The following GRM1 variants were observed in gnomAD, a reference collection of about 807,000 sequenced individuals.
The protein encoded by GRM1 is glutamate metabotropic receptor 1.
GRM1 carries 33 observed loss-of-function variants against 90.9 expected under a neutral mutation model. That is an observed-to-expected ratio of 0.36 (90% CI 0.28 to 0.49). The LOEUF (loss-of-function observed/expected upper bound fraction) is 0.49. Among genes scored for constraint, GRM1 ranks in the 20% least tolerant of loss-of-function variants. GRM1 has a pLI of 0.99. For missense variants in GRM1, 1,190 were observed against 1,534.3 expected, an observed-to-expected ratio of 0.78 and a Z score of 3.75; for synonymous variants, 700 against 613.2, an observed-to-expected ratio of 1.14 and a Z score of -2.09.
intron 2 of GRM1, among the ~76,000 whole-genome samples, chr6:146,170,129 G>A (rs1256903982): frequency 6.6e-6 from 1 of 151,904 alleles, no homozygotes; most frequent in African/African-American, 2.4e-5. Context: ...TTTCATAAGG[G>A]ATTACTTCTG....
intron 2 of GRM1, among the ~76,000 whole-genome samples, chr6:146,250,614 G>C (rs1178690289): frequency 3.3e-5 from 5 of 152,154 alleles, no homozygotes; most frequent in African/African-American, 1.2e-4. Context: ...AATTGTATTA[G>C]TGTGTTTTCA....
upstream of GRM1, among the ~76,000 whole-genome samples, chr6:146,028,962 T>TTCCTTAA (rs1790602444): frequency 2.0e-5 from 3 of 152,244 alleles, no homozygotes; most frequent in South Asian, 6.2e-4. Context: ...GACTTAAGGT[T>TTCCTTAA]GGAGGAGCGG....
chr6:146,404,427 A>T (rs1230539077), intron 7 of GRM1, among the ~76,000 whole-genome samples: 2 of 152,186 alleles, frequency 1.3e-5, no homozygotes, highest in Non-Finnish European at 2.9e-5. Context: ...GCTATGTGCC[A>T]TAGTAGAAAA....
chr6:146,311,182 G>T (rs1234972609), intron 3 of GRM1, among the ~76,000 whole-genome samples: 3 of 152,064 alleles, frequency 2.0e-5, no homozygotes, highest in African/African-American at 7.2e-5. Context: ...GCAATCAAAA[G>T]AATTTTAAAG....
intron 2 of GRM1, among the ~76,000 whole-genome samples, chr6:146,280,183 C>G (rs1301399047): frequency 6.6e-6 from 1 of 152,116 alleles, no homozygotes. Context: ...AAGACCCCAG[C>G]TCTCTGGTGT....
chr6:146,043,069 G>T (rs978917199), intron 1 of GRM1, among the ~76,000 whole-genome samples: 20 of 151,884 alleles, frequency 1.3e-4, no homozygotes, highest in African/African-American at 4.8e-4. Flanking sequence ...AAGCTAAGGT[G>T]GGAGGCTTGA....
chr6:146,045,257 T>G (rs1023276839), intron 1 of GRM1, among the ~76,000 whole-genome samples: 2 of 152,042 alleles, frequency 1.3e-5, no homozygotes, highest in Non-Finnish European at 2.9e-5. Context: ...CATTTAATGA[T>G]TTTAAAAATA....
In GRM1 at chr6:146,352,506, T is replaced by C. The variant is rs373538200; in HGVS notation, c.1433+10T>C. The C allele has an allele frequency of 1.4e-3, 2,319 of 1,613,110 alleles. 1 individual carries two copies. The highest frequency in any genetic ancestry group is 1.8e-3 in the Non-Finnish European group (2,122 of 1,179,602). ...GAGACGCTCCTGGAAGGTAATCTTT[T>C]CAGTAATCAATCTAAGTAACCTTGT... On this transcript the variant is annotated intron_variant, in intron 4 of 7. Coordinates refer to ENST00000282753, the MANE Select transcript of GRM1 (RefSeq NM_001278064.2).
At chr6:146,374,477 G>A (rs1397474729) in intron 5 of GRM1, among the ~76,000 whole-genome samples, 1 of 152,076 alleles carries the variant, frequency 6.6e-6, no homozygotes, top group Non-Finnish European at 1.5e-5. Context: ...ATAGAAATCA[G>A]CAGAGAAGCA....
chr6:146,102,685 A>G (rs1777090065), intron 1 of GRM1, among the ~76,000 whole-genome samples: 1 of 152,212 alleles, frequency 6.6e-6, no homozygotes, highest in Non-Finnish European at 1.5e-5. Context: ...TTTTTGGGAT[A>G]CAGTAACTAT....
intron 5 of GRM1, among the ~76,000 whole-genome samples, chr6:146,379,820 G>A (rs2115119239): frequency 6.6e-6 from 1 of 152,188 alleles, no homozygotes; most frequent in African/African-American, 2.4e-5. Context: ...GGTTGTTGCA[G>A]ACTCATAGAG....
chr6:146,035,569 G>A (rs947752921), intron 1 of GRM1, among the ~76,000 whole-genome samples: 1 of 151,860 alleles, frequency 6.6e-6, no homozygotes, highest in African/African-American at 2.4e-5. Context: ...GGTGATCTTT[G>A]CAAACACTAC....
intron 5 of GRM1, among the ~76,000 whole-genome samples, chr6:146,366,674 A>G (rs1464030723): frequency 6.6e-6 from 1 of 152,158 alleles, no homozygotes; most frequent in Non-Finnish European, 1.5e-5. Context: ...AGGATTTCAT[A>G]TACCTATTGG....
intron 2 of GRM1, among the ~76,000 whole-genome samples, chr6:146,245,598 G>A (rs183685707): frequency 1.6e-4 from 24 of 152,224 alleles, no homozygotes; most frequent in Admixed American, 1.4e-3. Context: ...ATAAAGAGTA[G>A]TTAAGTATTC....
At chr6:146,355,824 G>T (rs1562634113) in intron 4 of GRM1, among the ~76,000 whole-genome samples, 1 of 152,170 alleles carries the variant, frequency 6.6e-6, no homozygotes, top group Non-Finnish European at 1.5e-5. Flanking sequence ...TTAAGCAGGG[G>T]CGTGTGAGAG....
chr6:146,112,517 T>G (rs1775597089), intron 1 of GRM1, among the ~76,000 whole-genome samples: 1 of 152,168 alleles, frequency 6.6e-6, no homozygotes, highest in Admixed American at 6.5e-5. Flanking sequence ...TAGCATGTAT[T>G]CTTTTTCTCT....
intron 7 of GRM1, among the ~76,000 whole-genome samples, chr6:146,433,558 G>GTGTGTA (rs1235464384): frequency 7.4e-5 from 11 of 148,288 alleles, no homozygotes; most frequent in African/African-American, 2.5e-4. Context: ...GTGTGTGTGT[G>GTGTGTA]TCAGAGAGAG....
At chr6:146,397,294 G>A (rs1381987091) in intron 6 of GRM1, among the ~76,000 whole-genome samples, 2 of 151,796 alleles carry the variant, frequency 1.3e-5, no homozygotes, top group Non-Finnish European at 2.9e-5. Context: ...CTAACACAGT[G>A]AAACCCCGTC....
At chr6:146,374,999 C>T (rs1361906877) in intron 5 of GRM1, among the ~76,000 whole-genome samples, 3 of 151,958 alleles carry the variant, frequency 2.0e-5, no homozygotes, top group Admixed American at 6.6e-5. Flanking sequence ...GATGTAGGCA[C>T]TTACAGCTAT....
Sources: allele counts gnomAD v4.1 joint callset (sites outside exome capture counted in the v4.1 genomes callset), GRCh38; gene constraint gnomAD v4.1.1; transcripts MANE v1.5; gene names NCBI Gene and HGNC (gene_info 2026-07-23, HGNC 2026-07-21).